Variants in RGSL1 observed in about 807,000 individuals in gnomAD.
The protein encoded by RGSL1 is regulator of G protein signaling protein-like.
Under a neutral mutation model 124.7 loss-of-function variants are expected in RGSL1, and 97 were observed. The ratio of observed to expected loss-of-function variants is 0.78; its 90% CI spans 0.66 to 0.92. The LOEUF (loss-of-function observed/expected upper bound fraction) is 0.92. RGSL1 is among the 40% of genes least tolerant of loss of function. The pLI, the probability that RGSL1 is intolerant of heterozygous loss-of-function variation, is 0.00. For missense variants in RGSL1, 1,233 were observed against 1,288.4 expected, an observed-to-expected ratio of 0.96 and a Z score of 0.66; for synonymous variants, 424 against 438.1, an observed-to-expected ratio of 0.97 and a Z score of 0.40.
chr1:182,488,356 G>T lies in RGSL1; in HGVS notation c.1494+9G>T. On this transcript the variant is annotated intron_variant, in intron 7 of 21. Coordinates refer to ENST00000294854, the MANE Select transcript of RGSL1 (RefSeq NM_001137669.2). The stretch of plus-strand genomic sequence containing the variant: ...GGTTTCTCCTTTTTACGGTAGGAAG[G>T]ACTTTGGGTTAGGAAGGAATCATGA... The T allele has an allele frequency of 6.4e-7, 1 of 1,551,604 alleles. No homozygotes were observed. The highest frequency in any genetic ancestry group is 8.7e-7 in the Non-Finnish European group (1 of 1,146,460).
chr1:182,502,465 A>G (rs1558321704), intron 9 of RGSL1, among the ~76,000 whole-genome samples: 1 of 152,182 alleles, frequency 6.6e-6, no homozygotes, highest in Non-Finnish European at 1.5e-5. Context: ...AGTCCCAGCT[A>G]CTTGTGAGGC....
At chr1:182,457,636 C>G (rs527657467) in intron 2 of RGSL1, among the ~76,000 whole-genome samples, 1 of 152,312 alleles carries the variant, frequency 6.6e-6, no homozygotes, top group East Asian at 1.9e-4. Flanking sequence ...GTAATTGGAG[C>G]TTCAGCCCGT....
intron 4 of RGSL1, among the ~76,000 whole-genome samples, chr1:182,466,235 C>T (rs914791257): frequency 3.9e-5 from 6 of 152,046 alleles, no homozygotes; most frequent in Admixed American, 3.9e-4. Flanking sequence ...AAACTGAAAG[C>T]TTTTCCTCTA....
At chr1:182,554,724 G>A (rs1367606643) in intron 20 of RGSL1, 31 bp downstream of exon 20, 1 of 1,547,084 alleles carries the variant, frequency 6.5e-7, no homozygotes, top group Non-Finnish European at 8.7e-7. Context: ...CTCTTCTTCA[G>A]TCCAGAGCTG....
intron 4 of RGSL1, among the ~76,000 whole-genome samples, chr1:182,461,435 T>C (rs1652825825): frequency 6.6e-6 from 1 of 151,810 alleles, no homozygotes; most frequent in Non-Finnish European, 1.5e-5. Context: ...AAATATTCAG[T>C]TTTTAACAAA....
chr1:182,495,878 C>T (rs1655878132), intron 9 of RGSL1, among the ~76,000 whole-genome samples: 2 of 152,120 alleles, frequency 1.3e-5, no homozygotes, highest in Non-Finnish European at 2.9e-5. Context: ...TGCCTCATGC[C>T]TGATTCCACA....
Position 182,454,120 on chromosome 1 carries a change from G to T in RGSL1, c.96+80G>T, listed in dbSNP as rs1041752507. ...CTCACAGAGCTGAGTGACTTTTTTT[G>T]TTTGTTTGTTGTTATTTGGGGTTTT... is the stretch of plus-strand genomic sequence containing the variant. On this transcript the variant is annotated intron_variant, in intron 2 of 21. Coordinates refer to ENST00000294854, the MANE Select transcript of RGSL1 (RefSeq NM_001137669.2). 9 of 827,170 alleles carry T rather than the reference G, an allele frequency of 1.1e-5. No homozygotes were observed. The African/African-American group carries it at 1.4e-4, about 13-fold the overall frequency. 51.2% of individuals were successfully genotyped at this position (827,170 alleles called of 1,614,324 possible). A position where few individuals can be genotyped will look rare whatever the true frequency, so the allele number is the denominator to read the frequency against.
At chr1:182,507,982 C>T (rs938475210) in intron 9 of RGSL1, among the ~76,000 whole-genome samples, 25 of 152,296 alleles carry the variant, frequency 1.6e-4, no homozygotes, top group African/African-American at 6.0e-4. Flanking sequence ...ATAGTGTGAG[C>T]CACCATGCCC....
At chr1:182,489,224 T>C (rs1317416223) in intron 8 of RGSL1, 22 bp downstream of exon 8, 19 of 1,537,284 alleles carry the variant, frequency 1.2e-5, no homozygotes, top group Non-Finnish European at 2.6e-6. Flanking sequence ...CACTGTAATT[T>C]TTTTGACCTT....
At chr1:182,527,490 G>T in intron 10 of RGSL1, 89 bp from the exon 11 acceptor site, 4 of 1,098,490 alleles carry the variant, frequency 3.6e-6, no homozygotes, top group Non-Finnish European at 5.2e-6. Context: ...CTTATAGCCT[G>T]GTCAATGCAC....
At chr1:182,470,202 A>G (rs1265139567) in intron 4 of RGSL1, among the ~76,000 whole-genome samples, 5 of 152,148 alleles carry the variant, frequency 3.3e-5, no homozygotes, top group Admixed American at 3.3e-4. Context: ...AATATTGGAA[A>G]AAAATGTATT....
At chr1:182,488,794 G>T in intron 7 of RGSL1, 186 bp from the exon 8 acceptor site, 10 of 390,614 alleles carry the variant, frequency 2.6e-5, no homozygotes, top group Middle Eastern at 1.4e-3. Context: ...CTTCCTTATA[G>T]AAAATGAGTT....
chr1:182,483,384 T>C (rs1465273631), intron 6 of RGSL1, among the ~76,000 whole-genome samples: 1 of 152,168 alleles, frequency 6.6e-6, no homozygotes. Flanking sequence ...TCAAGTTGTA[T>C]ACATTAAATT....
chr1:182,545,972 A>G (rs1660187940), intron 15 of RGSL1, among the ~76,000 whole-genome samples: 1 of 152,068 alleles, frequency 6.6e-6, no homozygotes, highest in Admixed American at 6.5e-5. Flanking sequence ...AAGTTTTAGA[A>G]TGTTTTCTGT....
At chr1:182,477,559 C>T (rs1571524828) in intron 6 of RGSL1, among the ~76,000 whole-genome samples, 1 of 152,194 alleles carries the variant, frequency 6.6e-6, no homozygotes, top group Non-Finnish European at 1.5e-5. Flanking sequence ...GAGACAGCCA[C>T]ATTCAATGGC....
chr1:182,522,816 C>T (rs1658446392), intron 10 of RGSL1, among the ~76,000 whole-genome samples: 3 of 152,128 alleles, frequency 2.0e-5, no homozygotes, highest in Admixed American at 2.0e-4. Context: ...TTTCCAACTT[C>T]TTGACTTGAC....
At chr1:182,552,539 C>T (rs1369132938) in intron 18 of RGSL1, among the ~76,000 whole-genome samples, 1 of 152,198 alleles carries the variant, frequency 6.6e-6, no homozygotes, top group African/African-American at 2.4e-5. Flanking sequence ...CTGGGAACAG[C>T]ATCAGAGAGT....
chr1:182,460,246 G>A (rs188167301), intron 4 of RGSL1, 113 bp downstream of exon 4: 5 of 1,309,522 alleles, frequency 3.8e-6, no homozygotes, highest in East Asian at 2.6e-5. Flanking sequence ...GTGTGTGTGT[G>A]TAGAAATATA....
chr1:182,532,955 G>T (rs1040785899), intron 14 of RGSL1, among the ~76,000 whole-genome samples, 164 bp downstream of exon 14: 1 of 152,096 alleles, frequency 6.6e-6, no homozygotes, highest in Non-Finnish European at 1.5e-5. Flanking sequence ...TTCCTAGAGA[G>T]GATGCAAGAC....
Sources: allele counts gnomAD v4.1 joint callset (sites outside exome capture counted in the v4.1 genomes callset), GRCh38; gene constraint gnomAD v4.1.1; transcripts MANE v1.5; gene names NCBI Gene and HGNC (gene_info 2026-07-23, HGNC 2026-07-21).